Variants in DNAH9 observed in about 807,000 individuals in gnomAD.
DNAH9 encodes DNAH9 variant protein.
Under a neutral mutation model 471.6 loss-of-function variants are expected in DNAH9, and 345 were observed. That is an observed-to-expected ratio of 0.73 (90% CI 0.67 to 0.80). The LOEUF is 0.80. Ranked by LOEUF, DNAH9 falls within the 30% of genes least tolerant of loss-of-function variation. DNAH9 has a pLI of 0.00. For synonymous variants in DNAH9, 2,093 were observed against 2,123.6 expected (o/e 0.99, Z 0.40); for missense variants, 5,407 against 5,609.2 (o/e 0.96, Z 1.15).
chr17:11,729,362 A>T (rs1387865509), intron 28 of DNAH9, among the ~76,000 whole-genome samples: 1 of 152,152 alleles, frequency 6.6e-6, no homozygotes, highest in Admixed American at 6.5e-5. Flanking sequence ...GAGCAAAGCA[A>T]TCACAAGGGC....
intron 14 of DNAH9, among the ~76,000 whole-genome samples, chr17:11,661,185 A>G (rs976501188): frequency 3.3e-5 from 5 of 152,054 alleles, no homozygotes; most frequent in East Asian, 1.9e-4. Context: ...TTTTATTTCT[A>G]AAAATACCCT....
chr17:11,823,068 G>C, intron 48 of DNAH9, 34 bp downstream of exon 48: 3 of 1,561,646 alleles, frequency 1.9e-6, no homozygotes, highest in Non-Finnish European at 2.6e-6. Context: ...ACCTGCAGGG[G>C]ACTTGGAGGG....
At chr17:11,918,618 T>C (rs997345668) in intron 61 of DNAH9, among the ~76,000 whole-genome samples, 3 of 152,160 alleles carry the variant, frequency 2.0e-5, no homozygotes, top group African/African-American at 7.2e-5. Context: ...TGGAGTATTG[T>C]TTTTTTGTGG....
chr17:11,963,520 A>T (rs1271567904), intron 68 of DNAH9, among the ~76,000 whole-genome samples: 2 of 150,908 alleles, frequency 1.3e-5, no homozygotes, highest in Non-Finnish European at 3.0e-5. Flanking sequence ...GTGTAGGGAG[A>T]GGTGGGGGTT....
chr17:11,843,859 G>GTA (rs1490566898), intron 49 of DNAH9, among the ~76,000 whole-genome samples: 44 of 46,982 alleles, frequency 9.4e-4, no homozygotes, highest in African/African-American at 1.5e-3. Flanking sequence ...GTGTGTGTGT[G>GTA]TGTGTATATA....
intron 33 of DNAH9, among the ~76,000 whole-genome samples, chr17:11,754,590 G>C (rs1438848659): frequency 6.6e-6 from 1 of 152,012 alleles, no homozygotes; most frequent in Non-Finnish European, 1.5e-5. Context: ...GTGATGTTGA[G>C]TTTTTTTCAT....
At chr17:11,737,898 A>G (rs1175300587) in intron 28 of DNAH9, among the ~76,000 whole-genome samples, 1 of 152,226 alleles carries the variant, frequency 6.6e-6, no homozygotes, top group Non-Finnish European at 1.5e-5. Context: ...CACAGTTGCG[A>G]TGAGGATGGT....
intron 38 of DNAH9, among the ~76,000 whole-genome samples, chr17:11,774,603 G>T (rs878910484): frequency 1.3e-5 from 2 of 152,072 alleles, no homozygotes; most frequent in Admixed American, 1.3e-4. Flanking sequence ...CAGGAAACCC[G>T]TCCTCATGAT....
intron 2 of DNAH9, among the ~76,000 whole-genome samples, chr17:11,609,850 T>C (rs554914491): frequency 4.3e-4 from 66 of 152,358 alleles, no homozygotes; most frequent in African/African-American, 1.5e-3. Context: ...TTATTAGCCT[T>C]GTGAAGGAGG....
At chr17:11,788,489 T>G (rs1046889370) in intron 41 of DNAH9, among the ~76,000 whole-genome samples, 2 of 152,222 alleles carry the variant, frequency 1.3e-5, no homozygotes, top group African/African-American at 4.8e-5. Flanking sequence ...GATGTTCTCC[T>G]TTGCACCTTC....
At chr17:11,826,625 A>AT (rs952573383) in intron 48 of DNAH9, among the ~76,000 whole-genome samples, 141 of 145,840 alleles carry the variant, frequency 9.7e-4, no homozygotes, top group African/African-American at 2.1e-3. Context: ...TGCCCGGCTA[A>AT]TTTTTTTTTT....
intron 20 of DNAH9, among the ~76,000 whole-genome samples, chr17:11,693,470 G>A (rs2074372001): frequency 1.3e-5 from 2 of 150,758 alleles, no homozygotes; most frequent in South Asian, 4.2e-4. Flanking sequence ...TGTTGGCCAG[G>A]CTGGTCTCAA....
At chr17:11,670,694 C>T (rs977301424) in intron 17 of DNAH9, among the ~76,000 whole-genome samples, 3 of 147,334 alleles carry the variant, frequency 2.0e-5, no homozygotes, top group South Asian at 2.1e-4. Context: ...ACCCCAAGAA[C>T]GCTTTGTGGG....
At chr17:11,910,488 T>C (rs189672444) in intron 61 of DNAH9, among the ~76,000 whole-genome samples, 2 of 152,326 alleles carry the variant, frequency 1.3e-5, no homozygotes, top group African/African-American at 4.8e-5. Context: ...TTTCATCTTT[T>C]AGCTGCATAA....
rs540871283 is a variant in DNAH9 at position 11,830,685 on chromosome 17, A to G, written c.9247-3953A>G. On this transcript the variant is annotated intron_variant, in intron 48 of 68. Transcript: ENST00000262442. ...ATCAAGACGTTTTTGATGGCAACCA[A>G]TGAAAATCCAACTGAAGTTGGTTTA... Among the ~76,000 whole-genome samples the G allele has an allele frequency of 2.0e-3, 304 of 152,380 alleles. 1 individual carries two copies. The highest frequency in any genetic ancestry group is 3.0e-3 in the Non-Finnish European group (201 of 68,036).
rs972845603 is a variant in DNAH9, at chr17:11,810,097, G to A, written c.8584-149G>A. 8.3e-6 allele frequency: 8 copies of A among 966,316 alleles called. No homozygotes were observed. In the African/African-American group the frequency reaches 1.2e-4, roughly 14 times the overall value. The allele number at this position is 966,316 out of a possible 1,614,324, so 59.9% of individuals were successfully genotyped here. ...CATAGTTTCCTGCCTGTCAGTGCAA[G>A]ATAGCCCTCCCCCAGCTTCCCATTG... On this transcript the variant is annotated intron_variant, in intron 44 of 68. Transcript: ENST00000262442.
chr17:11,850,702 G>A (rs900358116), intron 49 of DNAH9, among the ~76,000 whole-genome samples: 4 of 151,130 alleles, frequency 2.6e-5, no homozygotes, highest in Admixed American at 6.6e-5. Context: ...TTAGCACCAC[G>A]CTGCTCTATC....
At chr17:11,935,557 G>A (rs1389769445) in intron 65 of DNAH9, among the ~76,000 whole-genome samples, 4 of 151,602 alleles carry the variant, frequency 2.6e-5, no homozygotes, top group Non-Finnish European at 5.9e-5. Context: ...TGTATTTTTA[G>A]TAGAGACGGG....
intron 29 of DNAH9, among the ~76,000 whole-genome samples, chr17:11,740,028 G>A (rs1334403441): frequency 3.9e-5 from 6 of 152,176 alleles, no homozygotes; most frequent in African/African-American, 9.7e-5. Flanking sequence ...TCTCAGTCAT[G>A]GCAAATTCCC....
Sources: gnomAD v4.1 joint callset for allele counts (sites outside exome capture counted in the v4.1 genomes callset) on GRCh38, gnomAD v4.1.1 for gene constraint, MANE v1.5 for transcripts, NCBI Gene and HGNC (gene_info 2026-07-23, HGNC 2026-07-21) for gene names.